FLNC: variants seen among roughly 807,000 people sequenced by gnomAD.
FLNC encodes filamin C.
A neutral mutation model predicts 254.3 loss-of-function variants in FLNC; 91 were observed. The observed-to-expected ratio is 0.36, with a 90% confidence interval of 0.30 to 0.43. The LOEUF is 0.43. FLNC is among the 20% of genes least tolerant of loss of function. The pLI, the probability that FLNC is intolerant of heterozygous loss-of-function variation, is 1.00. For missense variants in FLNC, 2,853 were observed against 3,802.6 expected (o/e 0.75, Z 6.57); for synonymous variants, 1,430 against 1,577.2 (o/e 0.91, Z 2.21).
At position 128,855,307 on chromosome 7, in the gene FLNC, G is replaced by C; in HGVS notation, c.7244G>C (p.Ser2415Thr). The C allele has an allele frequency of 6.2e-7, 1 of 1,608,372 alleles. No individual in the cohort carries two copies. Among genetic ancestry groups the C allele is most frequent in the Non-Finnish European group, 8.5e-7 (1 of 1,175,286 alleles). Residue 2415 changes from serine to threonine, a missense_variant, in exon 43 of 48, where the codon AGC (serine) becomes ACC (threonine). Around this residue, in one of 10 missense-constraint regions of FLNC, gnomAD observed 551 missense variants for 835.0 expected, o/e 0.66. Transcript: ENST00000325888. ...SDDARRLTVT[S>T]LQETGLKVNQ... is the part of the protein sequence containing the mutation. ...GACGCTCGCCGTCTCACTGTCACCA[G>C]CCTCCAGGTTTGTGCCCAGGGTGGG... is the stretch of plus-strand genomic sequence containing the variant.
chr7:128,852,354 T>G (rs1808853305), intron 35 of FLNC, among the ~76,000 whole-genome samples: 1 of 152,198 alleles, frequency 6.6e-6, no homozygotes, highest in Non-Finnish European at 1.5e-5. Flanking sequence ...CTTTAGGGAT[T>G]TAGCCCACAA....
At position 128,848,587 on chromosome 7, in the gene FLNC, C is replaced by T. The variant is rs1808665032; in HGVS notation, c.4607C>T (p.Ala1536Val). ...RSPFKIKVLP[A>V]HDASKVRASG... ...CCCTTCAAGATCAAGGTCCTCCCAG[C>T]TCATGATGCCAGCAAGGTGCGGGCC... is the stretch of plus-strand genomic sequence containing the variant. The change falls in exon 27 of 48, where the codon GCT becomes GTT. Residue 1536 changes from alanine (A) to valine (V), a missense_variant. Around this residue, in one of 10 missense-constraint regions of FLNC, gnomAD observed 1,573 missense variants for 1,883.5 expected, o/e 0.84. Coordinates refer to ENST00000325888, the MANE Select transcript of FLNC (RefSeq NM_001458.5). 4 of 1,614,008 alleles carry T rather than the reference C, an allele frequency of 2.5e-6. No homozygotes were observed. The highest frequency in any genetic ancestry group is 3.4e-6 in the Non-Finnish European group (4 of 1,180,026).
intron 41 of FLNC, 39 bp downstream of exon 41, chr7:128,854,721 G>A: frequency 6.2e-7 from 1 of 1,613,070 alleles, no homozygotes. Context: ...TGAAGTCAGG[G>A]CAGCCAGTGT....
Position 128,848,786 on chromosome 7 carries a change from C to A in FLNC, c.4738-7C>A. ...CAGGCGGGCCTTGACCTCTGCTTCT[C>A]CCTCAGGACCCCGAGGGTAAGCCCA... On this transcript the variant is annotated splice_polypyrimidine_tract_variant and splice_region_variant and intron_variant, in intron 27 of 47. Coordinates refer to ENST00000325888, the MANE Select transcript of FLNC (RefSeq NM_001458.5). 1 of 1,614,162 alleles carries A rather than the reference C, an allele frequency of 6.2e-7. No individual in the cohort carries two copies. Among genetic ancestry groups the A allele is most frequent in the Non-Finnish European group, 8.5e-7 (1 of 1,180,024 alleles).
chr7:128,847,553 C>A, intron 24 of FLNC, 144 bp from the exon 25 acceptor site: 2 of 891,630 alleles, frequency 2.2e-6, no homozygotes, highest in Non-Finnish European at 3.6e-6. Flanking sequence ...GTTTTCTTAG[C>A]AAGTTCCTAG....
Position 128,856,235 on chromosome 7 carries a change from TCA to T in FLNC, c.7252-278_7252-277del, listed in dbSNP as rs142631142. ...ACTTGCCCTCCGCCCTCAGCCTGCT[TCA>T]CACAGAGTGGGGCCCTTCCTTCCTC... is the stretch of plus-strand genomic sequence containing the variant. On this transcript the variant is annotated intron_variant, in intron 43 of 47. Transcript: ENST00000325888. This position sits in a 1 kb window ranked among gnomAD's most constrained non-coding sequence, Gnocchi z 5.9. Among the ~76,000 whole-genome samples the T allele has an allele frequency of 0.036, 5,512 of 152,306 alleles. 157 individuals carry two copies. Among genetic ancestry groups the T allele is most frequent in the South Asian group, 0.084 (405 of 4,824 alleles).
rs1263919140 is a variant in FLNC, at chr7:128,836,260, G to A, written c.601+686G>A. On this transcript the variant is annotated intron_variant, in intron 2 of 47. Coordinates refer to ENST00000325888, the MANE Select transcript of FLNC (RefSeq NM_001458.5). This position sits in a 1 kb window ranked among gnomAD's most constrained non-coding sequence, Gnocchi z 6.0. ...TGCCCCTCATCTCCTGAAAAGATAGGTTTTCTCCAGGAGTCACAGCCCCTC... is the reference window on the plus strand; with the variant it reads ...TGCCCCTCATCTCCTGAAAAGATAGATTTTCTCCAGGAGTCACAGCCCCTC... Among the ~76,000 whole-genome samples the A allele has an allele frequency of 6.6e-6, 1 of 152,216 alleles. No individual in the cohort carries two copies. The highest frequency in any genetic ancestry group is 6.5e-5 in the Admixed American group (1 of 15,280).
intron 28 of FLNC, 22 bp downstream of exon 28, chr7:128,849,004 G>A (rs201780093): frequency 3.1e-5 from 50 of 1,607,502 alleles, no homozygotes; most frequent in Non-Finnish European, 3.7e-5. Flanking sequence ...CCCGCTGCCC[G>A]TGCCCTGCTC....
chr7:128,842,354 G>C lies in FLNC; in HGVS notation c.2245G>C (p.Val749Leu), dbSNP rs763901270. ...TIIISWGGVN[V>L]PKSPFRVNVG... ...CATCATCTCCTGGGGAGGCGTAAAC[G>C]TGCCCAAGAGCCCCTTCCGGGTGCG... is the stretch of plus-strand genomic sequence containing the variant. Residue 749 changes from valine (V) to leucine (L), a missense_variant, in exon 14 of 48, where the codon GTG (valine) becomes CTG (leucine). Coordinates refer to ENST00000325888, the MANE Select transcript of FLNC (RefSeq NM_001458.5). This position sits in a 1 kb window ranked among gnomAD's most constrained non-coding sequence, Gnocchi z 5.4. 1.9e-6 allele frequency: 3 copies of C among 1,613,508 alleles called. No individual in the cohort carries two copies. Among genetic ancestry groups the C allele is most frequent in the Non-Finnish European group, 2.5e-6 (3 of 1,179,948 alleles).
chr7:128,847,627 C>T, intron 24 of FLNC, 70 bp from the exon 25 acceptor site: 1 of 1,592,290 alleles, frequency 6.3e-7, no homozygotes, highest in Non-Finnish European at 8.6e-7. Flanking sequence ...GCCTCCTCCT[C>T]CGAGGCTCCT....
intron 1 of FLNC, among the ~76,000 whole-genome samples, chr7:128,834,579 T>C (rs1808023725): frequency 2.0e-5 from 3 of 150,568 alleles, no homozygotes. Flanking sequence ...CAATTTCAGT[T>C]CTTAAAATAT....
rs537174119 is a variant in FLNC, at chr7:128,836,593, C to T, written c.602-567C>T. 3.9e-5 allele frequency among the ~76,000 whole-genome samples: 6 copies of T among 152,328 alleles called. No individual in the cohort carries two copies. The highest frequency in any genetic ancestry group is 1.4e-4 in the African/African-American group (6 of 41,568). ...GTTAGGAAGGCAGGGCTCCTGAGGG[C>T]TGCAGAGGAGAAGTCATTCTCTCCT... On this transcript the variant is annotated intron_variant, in intron 2 of 47. Coordinates refer to ENST00000325888, the MANE Select transcript of FLNC (RefSeq NM_001458.5). The surrounding 1 kb of genome is among the most constrained non-coding windows in gnomAD (Gnocchi z 6.0).
At chr7:128,838,154 C>T in intron 6 of FLNC, 90 bp downstream of exon 6, 1 of 1,493,708 alleles carries the variant, frequency 6.7e-7, no homozygotes, top group Non-Finnish European at 9.3e-7. Context: ...TACCTCGCGC[C>T]TGCCCAGAGC....
At chr7:128,844,606 C>A in intron 20 of FLNC, 52 bp from the exon 21 acceptor site, 1 of 1,528,092 alleles carries the variant, frequency 6.5e-7, no homozygotes, top group Non-Finnish European at 9.0e-7. Context: ...GCCATGAAGG[C>A]TGGGATGAGG....
rs1808773686 is a variant in FLNC at position 128,850,790 on chromosome 7, G to T, written c.5399-13G>T. 6.2e-7 allele frequency: 1 copy of T among 1,613,588 alleles called. No homozygotes were observed. Among genetic ancestry groups the T allele is most frequent in the Non-Finnish European group, 8.5e-7 (1 of 1,180,008 alleles). The stretch of plus-strand genomic sequence containing the variant: ...GAAACCAGGGTCTCCACGTAACTGT[G>T]TCTGCCCTGCAGGAGAGGTGCGGAT... On this transcript the variant is annotated splice_polypyrimidine_tract_variant and intron_variant, in intron 32 of 47. Transcript: ENST00000325888.
At position 128,852,918 on chromosome 7, in the gene FLNC, T is replaced by C. The variant is rs1554400980; in HGVS notation, c.6095T>C (p.Leu2032Pro). 6 of 1,613,644 alleles carry C rather than the reference T, an allele frequency of 3.7e-6. No individual in the cohort carries two copies. Among genetic ancestry groups the C allele is most frequent in the Non-Finnish European group, 5.1e-6 (6 of 1,180,022 alleles). ...KHVTNSPFKI[L>P]VGPSEIGDAS... ...GTCACCAACAGCCCCTTCAAGATCC[T>C]GGTGGGGCCATCTGAGATCGGGGAC... Residue 2032 changes from leucine (L) to proline (P), a missense_variant, in exon 37 of 48, where the codon CTG becomes CCG. Leu to Pro is a moderately conservative substitution (Grantham distance 98, BLOSUM62 -3). This residue lies in a region of FLNC where 551 missense variants were observed against 835.0 expected (regional missense o/e 0.66). Transcript: ENST00000325888.
Position 128,848,952 on chromosome 7 carries a change from A to C in FLNC, c.4897A>C (p.Thr1633Pro). The change falls in exon 28 of 48, where the codon ACT (threonine) becomes CCT (proline). Residue 1633 changes from threonine (T) to proline (P), a missense_variant. Physicochemically the swap from Thr to Pro is conservative, Grantham distance 38. This residue lies in a region of FLNC where 258 missense variants were observed against 312.3 expected (regional missense o/e 0.83). Transcript: ENST00000325888. The part of the protein sequence containing the change: ...YSPFRIHALP[T>P]GDASKCLVTV... Reference sequence around the variant, plus strand: ...GCCCTTCCGCATCCATGCTCTGCCCACTGGGGATGCCAGCAAGTGCCTCGT... The same window carrying C: ...GCCCTTCCGCATCCATGCTCTGCCCCCTGGGGATGCCAGCAAGTGCCTCGT... 1.9e-6 allele frequency: 3 copies of C among 1,612,472 alleles called. No individual in the cohort carries two copies. The highest frequency in any genetic ancestry group is 2.5e-6 in the Non-Finnish European group (3 of 1,179,304).
rs550049647 is a variant in FLNC, at chr7:128,846,925, G to A, written c.4288+20G>A. ...TCCCAGGTGTGCAGAGAGAGTGGTCGGGGTCTCAGGGAAGACAAGGGAGGG... is the reference window on the plus strand; with the variant it reads ...TCCCAGGTGTGCAGAGAGAGTGGTCAGGGTCTCAGGGAAGACAAGGGAGGG... On this transcript the variant is annotated intron_variant, in intron 24 of 47. Transcript: ENST00000325888. 18 of 1,614,050 alleles carry A rather than the reference G, an allele frequency of 1.1e-5. No homozygotes were observed. The highest frequency in any genetic ancestry group is 1.1e-4 in the South Asian group (10 of 91,086).
chr7:128,850,788 G>C lies in FLNC; in HGVS notation c.5399-15G>C. ...GGGAAACCAGGGTCTCCACGTAACT[G>C]TGTCTGCCCTGCAGGAGAGGTGCGG... On this transcript the variant is annotated splice_polypyrimidine_tract_variant and intron_variant, in intron 32 of 47. Coordinates refer to ENST00000325888, the MANE Select transcript of FLNC (RefSeq NM_001458.5). The C allele has an allele frequency of 6.2e-7, 1 of 1,613,718 alleles. No homozygotes were observed. The highest frequency in any genetic ancestry group is 8.5e-7 in the Non-Finnish European group (1 of 1,180,022).
Sources: gnomAD v4.1 joint callset for allele counts (sites outside exome capture counted in the v4.1 genomes callset) on GRCh38, gnomAD v4.1.1 for gene constraint, gnomAD v4.1.1 regional missense constraint, Gnocchi (gnomAD v3.1) non-coding constraint, MANE v1.5 for transcripts, NCBI Gene and HGNC (gene_info 2026-07-23, HGNC 2026-07-21) for gene names.